The following ADGRL2 variants were observed in gnomAD, a reference collection of about 807,000 sequenced individuals.
ADGRL2 encodes the protein adhesion G protein-coupled receptor L2.
ADGRL2 carries 44 observed loss-of-function variants against 157.4 expected under a neutral mutation model. The observed-to-expected ratio is 0.28, with a 90% CI of 0.22 to 0.36. The LOEUF is 0.36. Among genes scored for constraint, ADGRL2 ranks in the 10% least tolerant of loss-of-function variants. The pLI is 1.00. For synonymous variants in ADGRL2, 585 were observed against 624.7 expected (o/e 0.94, Z 0.95); for missense variants, 1,510 against 1,768.9 (o/e 0.85, Z 2.63).
In ADGRL2 at chr1:81,538,813, T is replaced by G. The variant is rs1481881624; in HGVS notation, c.-247-42063T>G. Among the ~76,000 whole-genome samples, 3 of 152,022 alleles carry G rather than the reference T, an allele frequency of 2.0e-5. No homozygotes were observed. In the South Asian group the frequency reaches 6.2e-4, roughly 32 times the overall value. ...TGAGCTCAGGAGTTCAAGACCAGCC[T>G]TGGCAACATGACAAAAACCTGCCTC... On this transcript the variant is annotated intron_variant, in intron 2 of 24. Transcript: ENST00000370721.
At chr1:81,808,604 T>C (rs968242348) in intron 1 of ADGRL2, among the ~76,000 whole-genome samples, 1 of 152,128 alleles carries the variant, frequency 6.6e-6, no homozygotes, top group African/African-American at 2.4e-5. Context: ...TCAGTTGATA[T>C]TTTAGATTAG....
chr1:81,873,827 A>G (rs1264766597), intron 2 of ADGRL2, among the ~76,000 whole-genome samples: 1 of 152,152 alleles, frequency 6.6e-6, no homozygotes, highest in East Asian at 1.9e-4. Context: ...AAAGTTGCTG[A>G]AAATAATTTG....
intron 10 of ADGRL2, among the ~76,000 whole-genome samples, chr1:81,953,525 A>G (rs987487502): frequency 2.0e-5 from 3 of 152,190 alleles, no homozygotes; most frequent in East Asian, 3.8e-4. Context: ...GGGTTACTAA[A>G]AATGAAATAT....
intron 2 of ADGRL2, among the ~76,000 whole-genome samples, chr1:81,882,034 G>T (rs781461958): frequency 1.3e-5 from 2 of 151,980 alleles, no homozygotes; most frequent in Non-Finnish European, 2.9e-5. Context: ...TGCCAAGATA[G>T]ATGTACTACA....
chr1:81,970,628 C>T lies in ADGRL2; in HGVS notation c.2954+94C>T, dbSNP rs192922815. The stretch of plus-strand genomic sequence containing the variant: ...GAGGGTCCCTGACAGATTAAAATAG[C>T]ATCTGAAAGCTTTATTGGTAAGAGA... On this transcript the variant is annotated intron_variant, in intron 16 of 23. Transcript: ENST00000686636. 4.8e-5 allele frequency: 41 copies of T among 857,204 alleles called. No homozygotes were observed. The East Asian group carries it at 7.2e-4, about 15-fold the overall frequency. 53.1% of individuals were successfully genotyped at this position (857,204 alleles called of 1,614,324 possible). A position where few individuals can be genotyped will look rare whatever the true frequency, so the allele number is the denominator to read the frequency against.
chr1:81,438,470 C>G (rs901143297), intron 1 of ADGRL2, among the ~76,000 whole-genome samples: 1 of 152,116 alleles, frequency 6.6e-6, no homozygotes, highest in Admixed American at 6.6e-5. Flanking sequence ...GTTTGAAATA[C>G]CACATAATGG....
intron 2 of ADGRL2, among the ~76,000 whole-genome samples, chr1:81,841,756 T>C (rs763619696): frequency 2.0e-5 from 3 of 152,190 alleles, no homozygotes; most frequent in Non-Finnish European, 4.4e-5. Flanking sequence ...TTCACTGATG[T>C]CTTCAAGTGC....
intron 2 of ADGRL2, among the ~76,000 whole-genome samples, chr1:81,897,996 TGAGGA>T (rs2094423076): frequency 1.3e-5 from 2 of 152,040 alleles, no homozygotes; most frequent in Admixed American, 6.6e-5. Flanking sequence ...TACTCTGGGG[TGAGGA>T]AGAGGCTGAT....
At chr1:81,570,669 G>A (rs1017472435) in intron 2 of ADGRL2, among the ~76,000 whole-genome samples, 6 of 152,306 alleles carry the variant, frequency 3.9e-5, no homozygotes, top group Middle Eastern at 3.4e-3. Flanking sequence ...GATTACAGAC[G>A]TGAGCCACTG....
At chr1:81,763,351 G>C (rs2085968120) in intron 2 of ADGRL2, among the ~76,000 whole-genome samples, 3 of 152,064 alleles carry the variant, frequency 2.0e-5, no homozygotes, top group African/African-American at 7.2e-5. Context: ...TTGAGAGGCT[G>C]AGGCAGGAGA....
intron 2 of ADGRL2, among the ~76,000 whole-genome samples, chr1:81,858,930 C>T (rs1483920888): frequency 3.9e-5 from 6 of 151,974 alleles, no homozygotes; most frequent in Non-Finnish European, 7.4e-5. Context: ...ATTTTATAGT[C>T]GTATGGCAGC....
chr1:81,459,411 A>T (rs2077875309), intron 2 of ADGRL2, among the ~76,000 whole-genome samples: 1 of 152,208 alleles, frequency 6.6e-6, no homozygotes, highest in South Asian at 2.1e-4. Flanking sequence ...ATCAAGTAGG[A>T]TCATGAAGTA....
chr1:81,800,299 T>C (rs1257311963), upstream of ADGRL2: 1 of 152,132 alleles, frequency 6.6e-6, no homozygotes, highest in Non-Finnish European at 1.5e-5. Context: ...TTTAAAAAAA[T>C]GTAACTTTCA....
At chr1:81,760,840 G>T (rs1414974804) in intron 1 of ADGRL2, among the ~76,000 whole-genome samples, 1 of 150,742 alleles carries the variant, frequency 6.6e-6, no homozygotes, top group East Asian at 1.9e-4. Context: ...TACATTAAGA[G>T]CTTGCATTAA....
At chr1:81,474,043 G>C (rs1377115689) in intron 2 of ADGRL2, among the ~76,000 whole-genome samples, 3 of 152,128 alleles carry the variant, frequency 2.0e-5, no homozygotes, top group Admixed American at 2.0e-4. Context: ...CAAGGAGATA[G>C]AAGGCAGAGA....
chr1:81,640,824 C>T (rs2148801336), intron 3 of ADGRL2, among the ~76,000 whole-genome samples: 1 of 152,116 alleles, frequency 6.6e-6, no homozygotes, highest in East Asian at 1.9e-4. Flanking sequence ...AGAGCACAGC[C>T]GATTTCCCAG....
At chr1:81,691,349 A>G (rs1023449710) in intron 3 of ADGRL2, among the ~76,000 whole-genome samples, 1 of 151,526 alleles carries the variant, frequency 6.6e-6, no homozygotes, top group African/African-American at 2.4e-5. Flanking sequence ...AAGCCTATAA[A>G]TTGGTTAAAG....
At chr1:81,512,246 C>G (rs745726391) in intron 2 of ADGRL2, among the ~76,000 whole-genome samples, 1 of 150,552 alleles carries the variant, frequency 6.6e-6, no homozygotes, top group Non-Finnish European at 1.5e-5. Flanking sequence ...CAACAGATTT[C>G]TTTTTCTTTC....
intron 1 of ADGRL2, among the ~76,000 whole-genome samples, chr1:81,826,132 C>A (rs2091462290): frequency 6.6e-6 from 1 of 152,076 alleles, no homozygotes; most frequent in Non-Finnish European, 1.5e-5. Flanking sequence ...GGAGACTAGG[C>A]TAATTTCATT....
Sources: allele counts gnomAD v4.1 joint callset (sites outside exome capture counted in the v4.1 genomes callset), GRCh38; gene constraint gnomAD v4.1.1; transcripts MANE v1.5; gene names NCBI Gene and HGNC (gene_info 2026-07-23, HGNC 2026-07-21).